SPIDR: variants seen among roughly 807,000 people sequenced by gnomAD.
The protein encoded by SPIDR is scaffold protein involved in DNA repair, also known as DNA repair-scaffolding protein.
SPIDR carries 93 observed loss-of-function variants against 104.6 expected under a neutral mutation model. The observed-to-expected ratio is 0.89, with a 90% CI of 0.75 to 1.06. The LOEUF (loss-of-function observed/expected upper bound fraction) is 1.06. Ranked by LOEUF, SPIDR falls within the 50% of genes least tolerant of loss-of-function variation. The pLI is 0.00. For synonymous variants in SPIDR, 431 were observed against 416.9 expected, an observed-to-expected ratio of 1.03 and a Z score of -0.41; for missense variants, 1,154 against 1,111.2, an observed-to-expected ratio of 1.04 and a Z score of -0.55.
At chr8:47,612,932 C>T (rs1315440654) in intron 10 of SPIDR, among the ~76,000 whole-genome samples, 1 of 152,206 alleles carries the variant, frequency 6.6e-6, no homozygotes, top group East Asian at 1.9e-4. Context: ...GGCAGGCTCC[C>T]TGAATGCCTG....
Position 47,372,400 on chromosome 8 carries a change from G to A in SPIDR, c.526-23976G>A, listed in dbSNP as rs932986777. On this transcript the variant is annotated intron_variant, in intron 5 of 19. Coordinates refer to ENST00000297423, the MANE Select transcript of SPIDR (RefSeq NM_001080394.4). ...TTAACTTTGGGAGTCTGAGGTGGGC[G>A]GATCACCTGAGGTGAGGAGTTCGAG... 7.2e-5 allele frequency among the ~76,000 whole-genome samples: 11 copies of A among 152,104 alleles called. No homozygotes were observed. The South Asian group carries it at 1.0e-3, about 14-fold the overall frequency.
At chr8:47,670,689 T>C (rs1325895643) in intron 10 of SPIDR, among the ~76,000 whole-genome samples, 2 of 152,210 alleles carry the variant, frequency 1.3e-5, no homozygotes, top group Non-Finnish European at 2.9e-5. Flanking sequence ...CTTAGAGTGA[T>C]ATGAGGACTT....
At chr8:47,564,813 T>C (rs1587822093) in intron 8 of SPIDR, among the ~76,000 whole-genome samples, 1 of 152,236 alleles carries the variant, frequency 6.6e-6, no homozygotes, top group Non-Finnish European at 1.5e-5. Flanking sequence ...CATCATTTCA[T>C]CATTTTTCAG....
At chr8:47,652,160 A>T (rs1006120620) in intron 10 of SPIDR, among the ~76,000 whole-genome samples, 21 of 152,254 alleles carry the variant, frequency 1.4e-4, no homozygotes, top group African/African-American at 3.9e-4. Flanking sequence ...AAAACTTTTT[A>T]AAATGATCAG....
chr8:47,411,416 G>A (rs2063509870), intron 7 of SPIDR, among the ~76,000 whole-genome samples: 1 of 152,192 alleles, frequency 6.6e-6, no homozygotes, highest in Admixed American at 6.5e-5. Flanking sequence ...GCCAGTGATG[G>A]TGAGCATTTT....
chr8:47,690,861 C>T (rs1305638878), intron 11 of SPIDR, among the ~76,000 whole-genome samples: 1 of 152,156 alleles, frequency 6.6e-6, no homozygotes, highest in South Asian at 2.1e-4. Context: ...AAATGTGAGA[C>T]ATTCCAGAGT....
chr8:47,363,662 T>A (rs1353289549), intron 5 of SPIDR, among the ~76,000 whole-genome samples: 1 of 152,016 alleles, frequency 6.6e-6, no homozygotes, highest in African/African-American at 2.4e-5. Flanking sequence ...TGAACAGTTA[T>A]TTATGTTATC....
intron 10 of SPIDR, chr8:47,653,863 A>T (rs1199037347): frequency 3.2e-6 from 2 of 621,366 alleles, no homozygotes; most frequent in African/African-American, 4.0e-5. Context: ...AAAAGACAAA[A>T]AAAAAACAAA....
At chr8:47,455,759 G>C (rs1402492348) in intron 8 of SPIDR, among the ~76,000 whole-genome samples, 2 of 152,280 alleles carry the variant, frequency 1.3e-5, no homozygotes, top group African/African-American at 4.8e-5. Context: ...TACAAGGGAT[G>C]CAGAGGACAT....
At chr8:47,489,419 C>T (rs1423609844) in intron 8 of SPIDR, among the ~76,000 whole-genome samples, 3 of 152,140 alleles carry the variant, frequency 2.0e-5, no homozygotes, top group Non-Finnish European at 4.4e-5. Flanking sequence ...GGAAAATGGC[C>T]ATACTGCCCA....
chr8:47,529,180 G>C (rs2085513282), intron 8 of SPIDR, among the ~76,000 whole-genome samples: 1 of 152,160 alleles, frequency 6.6e-6, no homozygotes, highest in African/African-American at 2.4e-5. Flanking sequence ...CTAACACTTT[G>C]GGAGGCTGAG....
At chr8:47,412,878 T>C (rs1487486764) in intron 7 of SPIDR, among the ~76,000 whole-genome samples, 2 of 152,236 alleles carry the variant, frequency 1.3e-5, no homozygotes, top group Admixed American at 1.3e-4. Context: ...GCTTTCAATT[T>C]AGTTTGTGGT....
At chr8:47,327,415 A>G (rs1483757078) in intron 5 of SPIDR, among the ~76,000 whole-genome samples, 2 of 144,978 alleles carry the variant, frequency 1.4e-5, no homozygotes, top group Non-Finnish European at 3.0e-5. Flanking sequence ...TTTTTGAGAC[A>G]GGGTTTTAAT....
At chr8:47,434,913 C>T (rs1554691296) in intron 7 of SPIDR, among the ~76,000 whole-genome samples, 1 of 152,168 alleles carries the variant, frequency 6.6e-6, no homozygotes, top group African/African-American at 2.4e-5. Context: ...ACTCAGTAGT[C>T]ACAGACATAT....
intron 10 of SPIDR, among the ~76,000 whole-genome samples, chr8:47,618,936 A>G (rs2064735826): frequency 6.6e-6 from 1 of 152,264 alleles, no homozygotes; most frequent in Non-Finnish European, 1.5e-5. Flanking sequence ...ATTTGGTTAA[A>G]ACAAAGTGCC....
chr8:47,356,967 G>T (rs1442310655), intron 5 of SPIDR, among the ~76,000 whole-genome samples: 3 of 152,000 alleles, frequency 2.0e-5, no homozygotes, highest in African/African-American at 7.3e-5. Context: ...TTGCATATGG[G>T]GTAACTTGGC....
At chr8:47,568,624 CAAGCCTTCCT>C (rs1187927114) in intron 8 of SPIDR, among the ~76,000 whole-genome samples, 1 of 152,186 alleles carries the variant, frequency 6.6e-6, no homozygotes, top group Admixed American at 6.5e-5. Flanking sequence ...TGTCAGTCCA[CAAGCCTTCCT>C]GGTGCAGCAC....
chr8:47,550,980 CGTT>C (rs1366463903), intron 8 of SPIDR, among the ~76,000 whole-genome samples: 1 of 151,940 alleles, frequency 6.6e-6, no homozygotes, highest in Non-Finnish European at 1.5e-5. Context: ...TAGCATGAAG[CGTT>C]GTTGAATTTT....
intron 10 of SPIDR, among the ~76,000 whole-genome samples, chr8:47,660,096 A>G (rs2073855779): frequency 6.6e-6 from 1 of 152,238 alleles, no homozygotes; most frequent in Non-Finnish European, 1.5e-5. Context: ...AGGAAGGGAC[A>G]GTTAAAACTT....
Sources: allele counts gnomAD v4.1 joint callset (sites outside exome capture counted in the v4.1 genomes callset), GRCh38; gene constraint gnomAD v4.1.1; transcripts MANE v1.5; gene names NCBI Gene and HGNC (gene_info 2026-07-23, HGNC 2026-07-21).